Variants in DGKG observed in about 807,000 individuals in gnomAD.
DGKG encodes the protein diacylglycerol kinase gamma.
In DGKG, 78 loss-of-function variants were observed where a neutral mutation model predicts 105.3. The observed-to-expected ratio is 0.74, with a 90% CI of 0.62 to 0.89. The LOEUF (loss-of-function observed/expected upper bound fraction) is 0.89, where lower values mean the gene tolerates loss of function less well. Ranked by LOEUF, DGKG falls within the 40% of genes least tolerant of loss-of-function variation. The pLI is 0.00. For synonymous variants in DGKG, 346 were observed against 367.1 expected (o/e 0.94, Z 0.66); for missense variants, 958 against 1,020.1 (o/e 0.94, Z 0.83).
intron 1 of DGKG, among the ~76,000 whole-genome samples, chr3:186,342,836 C>T (rs540407671): frequency 5.9e-5 from 9 of 151,994 alleles, no homozygotes; most frequent in East Asian, 1.9e-4. Context: ...AATGGGGAAG[C>T]GTTCAAAAAT....
chr3:186,314,184 CACACACACACACACACACA>C (rs1724698146), intron 2 of DGKG, among the ~76,000 whole-genome samples: 1 of 67,476 alleles, frequency 1.5e-5, no homozygotes, highest in Non-Finnish European at 3.4e-5. Context: ...CACACACACA[CACACACACACACACACACA>C]CACACACACA....
intron 9 of DGKG, chr3:186,279,135 A>G (rs1246563464): frequency 6.6e-6 from 1 of 152,100 alleles, no homozygotes; most frequent in Non-Finnish European, 1.5e-5. Flanking sequence ...CAAGCCATAA[A>G]CTCTCTCTAG....
At chr3:186,233,310 G>C (rs184657123) in intron 20 of DGKG, among the ~76,000 whole-genome samples, 1 of 152,296 alleles carries the variant, frequency 6.6e-6, no homozygotes, top group Non-Finnish European at 1.5e-5. Context: ...ACAATGGGAG[G>C]GGGCCAGGAG....
chr3:186,224,809 C>T (rs1719772993), intron 20 of DGKG, among the ~76,000 whole-genome samples: 1 of 123,344 alleles, frequency 8.1e-6, no homozygotes, highest in South Asian at 2.8e-4. Flanking sequence ...TACTTTAATA[C>T]ATGCTGGAAG....
intron 2 of DGKG, among the ~76,000 whole-genome samples, chr3:186,315,506 A>G (rs1249022676): frequency 6.6e-6 from 1 of 152,196 alleles, no homozygotes; most frequent in Non-Finnish European, 1.5e-5. Context: ...AACCATAGTG[A>G]CCATAAATAA....
Position 186,284,808 on chromosome 3 carries a change from C to G in DGKG, c.545-99G>C. 9.2e-6 allele frequency: 9 copies of G among 979,648 alleles called. No individual in the cohort carries two copies. Among genetic ancestry groups the G allele is most frequent in the Non-Finnish European group, 1.5e-5 (9 of 616,546 alleles). The allele number at this position is 979,648 out of a possible 1,614,324, so 60.7% of individuals were successfully genotyped here. On this transcript the variant is annotated intron_variant, in intron 6 of 24. Coordinates refer to ENST00000265022, the MANE Select transcript of DGKG (RefSeq NM_001346.3). The surrounding 1 kb of genome is among the most constrained non-coding windows in gnomAD (Gnocchi z 4.0). Reference sequence around the variant, plus strand: ...GGTTTTTAGATTAGTTCTGTCACCACTGTGACGAAGGTTATGGCAGCCAGC... The same window carrying G: ...GGTTTTTAGATTAGTTCTGTCACCAGTGTGACGAAGGTTATGGCAGCCAGC...
chr3:186,232,192 G>C (rs1300786621), intron 20 of DGKG, among the ~76,000 whole-genome samples: 1 of 152,116 alleles, frequency 6.6e-6, no homozygotes, highest in African/African-American at 2.4e-5. Context: ...CAAAAGCGTT[G>C]GGACTTTTTA....
In DGKG at chr3:186,203,196, G is replaced by A. The variant is rs557713483; in HGVS notation, c.1917+8599C>T. Among the ~76,000 whole-genome samples the A allele has an allele frequency of 9.8e-5, 15 of 152,334 alleles. No individual in the cohort carries two copies. Among genetic ancestry groups the A allele is most frequent in the African/African-American group, 3.4e-4 (14 of 41,568 alleles). Reference sequence around the variant, plus strand: ...TTCTAAGCATTAGTGAAGGAAACTCGTAGTCAGTGCACGACTGAAAGAGAC... The same window carrying A: ...TTCTAAGCATTAGTGAAGGAAACTCATAGTCAGTGCACGACTGAAAGAGAC... On this transcript the variant is annotated intron_variant, in intron 21 of 24. Transcript: ENST00000265022. The surrounding 1 kb of genome is among the most constrained non-coding windows in gnomAD (Gnocchi z 4.9).
At chr3:186,311,438 A>G (rs1405158816) in intron 2 of DGKG, among the ~76,000 whole-genome samples, 1 of 152,232 alleles carries the variant, frequency 6.6e-6, no homozygotes, top group African/African-American at 2.4e-5. Flanking sequence ...TTGGCAAGGT[A>G]GGAGCATGTT....
At chr3:186,165,328 G>A (rs934645058) in intron 22 of DGKG, among the ~76,000 whole-genome samples, 1 of 152,174 alleles carries the variant, frequency 6.6e-6, no homozygotes, top group Non-Finnish European at 1.5e-5. Context: ...AGCTATTTCT[G>A]ATTATTTTCA....
intron 20 of DGKG, among the ~76,000 whole-genome samples, chr3:186,223,047 A>G (rs1285756410): frequency 7.5e-6 from 1 of 133,876 alleles, no homozygotes; most frequent in South Asian, 2.4e-4. Context: ...CTCATGATAT[A>G]CACTCCAATA....
intron 22 of DGKG, among the ~76,000 whole-genome samples, chr3:186,181,280 T>A (rs1014754027): frequency 2.0e-5 from 3 of 152,212 alleles, no homozygotes; most frequent in Admixed American, 2.0e-4. Context: ...TTTGTAAGTA[T>A]GTGTTAAATA....
At chr3:186,355,121 A>G (rs1726844433) in intron 1 of DGKG, among the ~76,000 whole-genome samples, 1 of 49,246 alleles carries the variant, frequency 2.0e-5, no homozygotes, top group African/African-American at 7.7e-5. Context: ...TACTATCTCC[A>G]TCATCACCCT....
intron 1 of DGKG, among the ~76,000 whole-genome samples, chr3:186,346,152 A>G (rs1355883353): frequency 6.6e-6 from 1 of 152,174 alleles, no homozygotes; most frequent in Non-Finnish European, 1.5e-5. Flanking sequence ...TATCTTTTAC[A>G]CTGTCACTTC....
At position 186,260,314 on chromosome 3, in the gene DGKG, G is replaced by A. The variant is rs542329940; in HGVS notation, c.1424+125C>T. ...CAGACGTGAGAAAAAGCAGAGAAAG[G>A]GAGTAAAATGGCAGGAAGGAACAAG... On this transcript the variant is annotated intron_variant, in intron 16 of 24. Coordinates refer to ENST00000265022, the MANE Select transcript of DGKG (RefSeq NM_001346.3). 68 of 706,098 alleles carry A rather than the reference G, an allele frequency of 9.6e-5. 2 individuals are homozygous for A. The South Asian group carries it at 1.2e-3, about 13-fold the overall frequency. 43.7% of individuals were successfully genotyped at this position (706,098 alleles called of 1,614,324 possible). A position where few individuals can be genotyped will look rare whatever the true frequency, so the allele number is the denominator to read the frequency against.
intron 3 of DGKG, among the ~76,000 whole-genome samples, chr3:186,306,468 A>G (rs1429262905): frequency 1.3e-5 from 2 of 152,108 alleles, no homozygotes; most frequent in Admixed American, 6.6e-5. Context: ...AAGTAGGCCA[A>G]AAGAGGATGG....
chr3:186,161,693 T>A, intron 23 of DGKG, 30 bp from the exon 24 acceptor site: 1 of 1,613,982 alleles, frequency 6.2e-7, no homozygotes, highest in Non-Finnish European at 8.5e-7. Flanking sequence ...GAGAACACAG[T>A]GAGCTTTTTC....
At chr3:186,233,590 C>T (rs916371297) in intron 20 of DGKG, among the ~76,000 whole-genome samples, 7 of 152,214 alleles carry the variant, frequency 4.6e-5, no homozygotes, top group African/African-American at 1.7e-4. Flanking sequence ...CGCCATTCTC[C>T]TGCCTCAGCC....
intron 1 of DGKG, among the ~76,000 whole-genome samples, chr3:186,326,046 A>G (rs1291883809): frequency 6.6e-6 from 1 of 152,130 alleles, no homozygotes; most frequent in Non-Finnish European, 1.5e-5. Context: ...ACGTATGCTC[A>G]CTGCTGCTGG....
Sources: gnomAD v4.1 joint callset for allele counts (sites outside exome capture counted in the v4.1 genomes callset) on GRCh38, gnomAD v4.1.1 for gene constraint, Gnocchi (gnomAD v3.1) non-coding constraint, MANE v1.5 for transcripts, NCBI Gene and HGNC (gene_info 2026-07-23, HGNC 2026-07-21) for gene names.